The following RNGTT variants were observed in gnomAD, a reference collection of about 807,000 sequenced individuals.
RNGTT encodes the protein RNA guanylyltransferase and 5'-phosphatase.
In RNGTT, 33 loss-of-function variants were observed where a neutral mutation model predicts 79.3. The observed-to-expected ratio is 0.42, with a 90% confidence interval of 0.32 to 0.56. The LOEUF (loss-of-function observed/expected upper bound fraction) is 0.56, where lower values mean the gene tolerates loss of function less well. RNGTT is among the 20% of genes least tolerant of loss of function. The pLI, the probability that RNGTT is intolerant of heterozygous loss-of-function variation, is 0.17. For missense variants in RNGTT, 497 were observed against 739.1 expected (o/e 0.67, Z 3.80); for synonymous variants, 222 against 235.9 (o/e 0.94, Z 0.54).
At chr6:88,900,829 GA>G (rs201915422) in intron 6 of RNGTT, among the ~76,000 whole-genome samples, 1,899 of 148,304 alleles carry the variant, frequency 0.013, 17 homozygotes, top group Non-Finnish European at 0.019. Context: ...AAGAACACAG[GA>G]AACAGTTTTT....
At chr6:88,889,474 T>G (rs918940177) in intron 8 of RNGTT, among the ~76,000 whole-genome samples, 10 of 152,056 alleles carry the variant, frequency 6.6e-5, no homozygotes, top group Non-Finnish European at 1.5e-4. Flanking sequence ...ATACAAAGAG[T>G]ATAACTGCCA....
intron 14 of RNGTT, among the ~76,000 whole-genome samples, chr6:88,620,378 G>T (rs896095090): frequency 2.0e-5 from 3 of 152,138 alleles, no homozygotes; most frequent in African/African-American, 4.8e-5. Flanking sequence ...ATCAGAGTTA[G>T]TCATAGCTAT....
chr6:88,634,810 A>G (rs1773038741), intron 14 of RNGTT, among the ~76,000 whole-genome samples: 1 of 152,144 alleles, frequency 6.6e-6, no homozygotes, highest in Non-Finnish European at 1.5e-5. Flanking sequence ...TAAATATTTA[A>G]TATGTGAGTG....
chr6:88,934,635 C>T (rs1363907020), intron 2 of RNGTT, among the ~76,000 whole-genome samples: 1 of 151,988 alleles, frequency 6.6e-6, no homozygotes, highest in Non-Finnish European at 1.5e-5. Context: ...CTTTGCTGTG[C>T]AGAAGCTTTT....
chr6:88,846,854 T>C (rs141208236), intron 10 of RNGTT, among the ~76,000 whole-genome samples: 176 of 152,288 alleles, frequency 1.2e-3, no homozygotes, highest in African/African-American at 4.0e-3. Flanking sequence ...TTTCTCGGTC[T>C]GCAATTCCAT....
chr6:88,921,202 T>G (rs1784153594), intron 4 of RNGTT, among the ~76,000 whole-genome samples: 1 of 152,132 alleles, frequency 6.6e-6, no homozygotes, highest in African/African-American at 2.4e-5. Context: ...TGATCAATAT[T>G]TGTGACCAGT....
chr6:88,795,268 A>T (rs540972403), intron 12 of RNGTT, among the ~76,000 whole-genome samples: 1 of 152,306 alleles, frequency 6.6e-6, no homozygotes, highest in East Asian at 1.9e-4. Context: ...TAGCTTAAAA[A>T]CACCTCTCTT....
chr6:88,873,662 G>A (rs1264962232), intron 8 of RNGTT, among the ~76,000 whole-genome samples: 1 of 152,060 alleles, frequency 6.6e-6, no homozygotes, highest in Non-Finnish European at 1.5e-5. Context: ...TATGTTTTTC[G>A]TGTTTGTCCT....
At chr6:88,619,023 AT>A (rs1308426961) in intron 14 of RNGTT, among the ~76,000 whole-genome samples, 1 of 151,958 alleles carries the variant, frequency 6.6e-6, no homozygotes, top group Non-Finnish European at 1.5e-5. Flanking sequence ...TATTTATTTT[AT>A]TATTTGGTTT....
chr6:88,818,462 A>C (rs1483333555), intron 11 of RNGTT, among the ~76,000 whole-genome samples: 1 of 152,130 alleles, frequency 6.6e-6, no homozygotes, highest in Non-Finnish European at 1.5e-5. Flanking sequence ...ACATGCCTGT[A>C]ATCCCAGCTA....
At chr6:88,616,993 C>T (rs932666260) in intron 14 of RNGTT, among the ~76,000 whole-genome samples, 1 of 152,190 alleles carries the variant, frequency 6.6e-6, no homozygotes, top group African/African-American at 2.4e-5. Flanking sequence ...TTTGTCCTGG[C>T]CGGGCACAGT....
At chr6:88,776,898 T>C (rs907680670) in intron 12 of RNGTT, among the ~76,000 whole-genome samples, 2 of 152,178 alleles carry the variant, frequency 1.3e-5, no homozygotes, top group African/African-American at 4.8e-5. Context: ...GGCTGAGCTT[T>C]TGATGTAACA....
At chr6:88,648,454 C>T (rs954808924) in intron 14 of RNGTT, among the ~76,000 whole-genome samples, 1 of 150,200 alleles carries the variant, frequency 6.7e-6, no homozygotes, top group Non-Finnish European at 1.5e-5. Flanking sequence ...GCACATGTAC[C>T]CTAAAACTTA....
chr6:88,670,177 G>A (rs1774578654), intron 14 of RNGTT, among the ~76,000 whole-genome samples: 1 of 152,182 alleles, frequency 6.6e-6, no homozygotes, highest in African/African-American at 2.4e-5. Flanking sequence ...CATCGTCAGA[G>A]ACATGACAAA....
chr6:88,907,283 C>T (rs1337043669), intron 4 of RNGTT, among the ~76,000 whole-genome samples: 1 of 152,278 alleles, frequency 6.6e-6, no homozygotes, highest in Middle Eastern at 3.4e-3. Flanking sequence ...TGGGAGGTGA[C>T]TGAATCATGG....
intron 1 of RNGTT, among the ~76,000 whole-genome samples, chr6:88,950,831 C>CAAA (rs1411141094): frequency 1.3e-5 from 2 of 148,628 alleles, no homozygotes; most frequent in Non-Finnish European, 3.0e-5. Context: ...GATACTGTCT[C>CAAA]AAAAAAATAT....
At chr6:88,826,824 GTA>G (rs372174983) in intron 11 of RNGTT, among the ~76,000 whole-genome samples, 82,661 of 128,826 alleles carry the variant, frequency 0.64, 26,870 homozygotes, top group East Asian at 0.8. Flanking sequence ...ATATGTGTGT[GTA>G]TATATATATA....
chr6:88,769,653 ATAAAG>A (rs749553029), intron 13 of RNGTT, 116 bp downstream of exon 13: 7 of 537,446 alleles, frequency 1.3e-5, no homozygotes, highest in Non-Finnish European at 2.2e-5. Context: ...ATCTTGTAAA[ATAAAG>A]TATTTTAGTT....
intron 13 of RNGTT, among the ~76,000 whole-genome samples, chr6:88,690,087 TC>T (rs1775425937): frequency 6.6e-6 from 1 of 152,124 alleles, no homozygotes; most frequent in Non-Finnish European, 1.5e-5. Context: ...TGACCAGTAT[TC>T]TTTTAAAAGT....
Sources: allele counts gnomAD v4.1 joint callset (sites outside exome capture counted in the v4.1 genomes callset), GRCh38; gene constraint gnomAD v4.1.1; transcripts MANE v1.5; gene names NCBI Gene and HGNC (gene_info 2026-07-23, HGNC 2026-07-21).